The following CDK17 variants were observed in gnomAD, a reference collection of about 807,000 sequenced individuals.
CDK17 encodes the protein cyclin dependent kinase 17.
CDK17 carries 24 observed loss-of-function variants against 77.6 expected under a neutral mutation model. That is an observed-to-expected ratio of 0.31 (90% CI 0.22 to 0.44). The LOEUF is 0.44. Among genes scored for constraint, CDK17 ranks in the 20% least tolerant of loss-of-function variants. The pLI is 1.00. For missense variants in CDK17, 429 were observed against 622.5 expected (o/e 0.69, Z 3.31); for synonymous variants, 203 against 210.4 (o/e 0.96, Z 0.30).
intron 2 of CDK17, among the ~76,000 whole-genome samples, chr12:96,333,375 C>G (rs1478831521): frequency 6.6e-6 from 1 of 151,898 alleles, no homozygotes; most frequent in Non-Finnish European, 1.5e-5. Flanking sequence ...ATGACAAAAA[C>G]AAAACAAGGC....
chr12:96,348,587 T>G (rs1340092409), intron 1 of CDK17, among the ~76,000 whole-genome samples: 1 of 146,910 alleles, frequency 6.8e-6, no homozygotes, highest in Non-Finnish European at 1.5e-5. Flanking sequence ...TTAGCTAGAC[T>G]GACTAACAAG....
intron 5 of CDK17, 93 bp downstream of exon 5, chr12:96,310,959 C>A: frequency 1.5e-6 from 2 of 1,306,658 alleles, no homozygotes; most frequent in Non-Finnish European, 2.1e-6. Context: ...ATTCTAAAGT[C>A]AAGTATAAAA....
At chr12:96,368,498 CA>C (rs927279059) in intron 1 of CDK17, among the ~76,000 whole-genome samples, 3 of 152,134 alleles carry the variant, frequency 2.0e-5, no homozygotes, top group Non-Finnish European at 4.4e-5. Flanking sequence ...AAGAGGCAGC[CA>C]GCAAAAGAGC....
intron 5 of CDK17, among the ~76,000 whole-genome samples, chr12:96,307,469 A>C (rs982857501): frequency 6.6e-6 from 1 of 152,214 alleles, no homozygotes; most frequent in African/African-American, 2.4e-5. Flanking sequence ...TTTACTCCCA[A>C]TTGGAACAAA....
At chr12:96,322,707 T>C (rs1484229624) in intron 3 of CDK17, among the ~76,000 whole-genome samples, 1 of 152,222 alleles carries the variant, frequency 6.6e-6, no homozygotes, top group Non-Finnish European at 1.5e-5. Context: ...GCCGGTGGCA[T>C]AGATAATAGT....
intron 2 of CDK17, 61 bp from the exon 3 acceptor site, chr12:96,324,173 G>T: frequency 7.4e-7 from 1 of 1,352,036 alleles, no homozygotes; most frequent in East Asian, 2.5e-5. Context: ...GATCACATGA[G>T]AAGGATTCAG....
At chr12:96,336,941 TTC>T (rs1383658787) in intron 1 of CDK17, among the ~76,000 whole-genome samples, 8 of 152,370 alleles carry the variant, frequency 5.3e-5, no homozygotes, top group Admixed American at 5.2e-4. Flanking sequence ...GTCAATTTTC[TTC>T]TCTTGATCTT....
At chr12:96,297,565 A>T in intron 8 of CDK17, 62 bp downstream of exon 8, 1 of 1,114,022 alleles carries the variant, frequency 9.0e-7, no homozygotes. Flanking sequence ...ACAAACTAAA[A>T]GTCCAATTTA....
chr12:96,301,224 C>T lies in CDK17; in HGVS notation c.544-864G>A, dbSNP rs546044114. Among the ~76,000 whole-genome samples the T allele has an allele frequency of 4.1e-5, 6 of 145,876 alleles. No individual in the cohort carries two copies. The South Asian group carries it at 6.7e-4, about 16-fold the overall frequency. On this transcript the variant is annotated intron_variant, in intron 5 of 16. Transcript: ENST00000261211. ...ATGTAAGTCTAATTCTGGCTACACC[C>T]CCCCTCAACACTCGGCCAAAAAAAA...
chr12:96,311,608 T>TTTTTTTTTTTTTTTTTTTTGAGACGG (rs1555200976), intron 4 of CDK17, among the ~76,000 whole-genome samples: 1 of 148,370 alleles, frequency 6.7e-6, no homozygotes, highest in Non-Finnish European at 1.5e-5. Flanking sequence ...CTACTTTATT[T>TTTTTTTTTTTTTTTTTTTTGAGACGG]AATTATACAA....
intron 7 of CDK17, among the ~76,000 whole-genome samples, chr12:96,298,453 T>C (rs951803956): frequency 1.3e-5 from 2 of 152,202 alleles, no homozygotes; most frequent in Non-Finnish European, 2.9e-5. Context: ...AGATATAAAT[T>C]ACAAGGAACC....
chr12:96,394,286 T>C (rs1954129223), intron 1 of CDK17, among the ~76,000 whole-genome samples: 1 of 151,876 alleles, frequency 6.6e-6, no homozygotes, highest in Non-Finnish European at 1.5e-5. Flanking sequence ...ACCAACGTTG[T>C]TTACATTATT....
At chr12:96,343,428 T>G (rs1953153247) in intron 1 of CDK17, among the ~76,000 whole-genome samples, 1 of 152,172 alleles carries the variant, frequency 6.6e-6, no homozygotes, top group African/African-American at 2.4e-5. Context: ...CTCCAAAAAT[T>G]CAAGTTTGAA....
chr12:96,307,753 C>T (rs1035155364), intron 5 of CDK17, among the ~76,000 whole-genome samples: 4 of 152,108 alleles, frequency 2.6e-5, no homozygotes, highest in Middle Eastern at 3.2e-3. Context: ...TGCCTGTAAT[C>T]TCAGCTACTA....
intron 9 of CDK17, among the ~76,000 whole-genome samples, chr12:96,296,387 A>G (rs1934267916): frequency 6.6e-6 from 1 of 152,234 alleles, no homozygotes; most frequent in Non-Finnish European, 1.5e-5. Flanking sequence ...AGTACATTTA[A>G]AGCCCTTTTT....
chr12:96,316,234 T>G lies in CDK17; in HGVS notation c.284-2780A>C, dbSNP rs1228595026. On this transcript the variant is annotated intron_variant, in intron 3 of 16. Coordinates refer to ENST00000261211, the MANE Select transcript of CDK17 (RefSeq NM_002595.5). ...AATCGGGTCACTCCCACCCGAATAT[T>G]GCGCTTGTCAGACCGGCTTAAAAAA... Among the ~76,000 whole-genome samples, 6 of 152,122 alleles carry G rather than the reference T, an allele frequency of 3.9e-5. No individual in the cohort carries two copies. The East Asian group carries it at 1.2e-3, about 30-fold the overall frequency.
At chr12:96,336,918 ATC>A (rs1337428161) in intron 1 of CDK17, among the ~76,000 whole-genome samples, 1 of 152,098 alleles carries the variant, frequency 6.6e-6, no homozygotes, top group Non-Finnish European at 1.5e-5. Flanking sequence ...CAATCTATCA[ATC>A]TGTTTCTCTT....
At chr12:96,318,704 G>A (rs1274838447) in intron 3 of CDK17, among the ~76,000 whole-genome samples, 230 of 145,540 alleles carry the variant, frequency 1.6e-3, no homozygotes, top group African/African-American at 5.3e-3. Flanking sequence ...TGACTACTGG[G>A]TACATAACGA....
intron 1 of CDK17, among the ~76,000 whole-genome samples, chr12:96,347,443 G>A (rs142990353): frequency 1.9e-4 from 28 of 151,068 alleles, no homozygotes; most frequent in African/African-American, 5.4e-4. Context: ...GGTGCATGCC[G>A]GTAATCCCAG....
Sources: gnomAD v4.1 joint callset for allele counts (sites outside exome capture counted in the v4.1 genomes callset) on GRCh38, gnomAD v4.1.1 for gene constraint, MANE v1.5 for transcripts, NCBI Gene and HGNC (gene_info 2026-07-23, HGNC 2026-07-21) for gene names.